The following RNF220 variants were observed in gnomAD, a reference collection of about 807,000 sequenced individuals.
The protein encoded by RNF220 is E3 ubiquitin-protein ligase RNF220.
In RNF220, 7 loss-of-function variants were observed where a neutral mutation model predicts 67.1. The observed-to-expected ratio is 0.10, with a 90% CI of 0.06 to 0.20. The LOEUF is 0.20. RNF220 is among the 10% of genes least tolerant of loss of function. The pLI, the probability that RNF220 is intolerant of heterozygous loss-of-function variation, is 1.00. For missense variants in RNF220, 565 were observed against 740.3 expected, an observed-to-expected ratio of 0.76 and a Z score of 2.75; for synonymous variants, 270 against 283.2, an observed-to-expected ratio of 0.95 and a Z score of 0.47.
chr1:44,594,159 C>G (rs1666305816), intron 2 of RNF220, among the ~76,000 whole-genome samples: 1 of 152,102 alleles, frequency 6.6e-6, no homozygotes, highest in African/African-American at 2.4e-5. Flanking sequence ...CAGGAATCCG[C>G]TTCTGCACTA....
intron 5 of RNF220, among the ~76,000 whole-genome samples, chr1:44,628,250 A>G (rs1644015027): frequency 6.6e-6 from 1 of 152,236 alleles, no homozygotes; most frequent in Non-Finnish European, 1.5e-5. Context: ...TTCAACTAGG[A>G]AAGAGTAACC....
At chr1:44,406,818 C>A (rs1247218279) in intron 1 of RNF220, among the ~76,000 whole-genome samples, 2 of 152,246 alleles carry the variant, frequency 1.3e-5, no homozygotes, top group Admixed American at 1.3e-4. Flanking sequence ...GCCCCCCGGG[C>A]GAGGCCGCCC....
intron 6 of RNF220, chr1:44,635,233 T>C (rs1055926660): frequency 9.5e-6 from 3 of 316,964 alleles, no homozygotes; most frequent in Non-Finnish European, 5.8e-6. Context: ...CCTAGCAACA[T>C]GGAGTGTCTT....
intron 2 of RNF220, among the ~76,000 whole-genome samples, chr1:44,501,571 A>T (rs1456333940): frequency 0.025 from 3,837 of 152,246 alleles, 142 homozygotes; most frequent in African/African-American, 0.088. Context: ...TGGTCAAGAA[A>T]GGAAAGCAAT....
In RNF220 at chr1:44,405,394, T is replaced by TGCCGCTGCC. The variant is rs1553208961; in HGVS notation, c.-248_-240dup. The TGCCGCTGCC allele has an allele frequency of 1.2e-4, 76 of 628,814 alleles. No individual in the cohort carries two copies. Among genetic ancestry groups the TGCCGCTGCC allele is most frequent in the African/African-American group, 1.0e-3 (55 of 53,250 alleles). The allele number at this position is 628,814 out of a possible 1,614,324, so 39.0% of individuals were successfully genotyped here. A position where few individuals can be genotyped will look rare whatever the true frequency, so the allele number is the denominator to read the frequency against. On this transcript the variant is annotated 5_prime_UTR_variant, in exon 1 of 15. Coordinates refer to ENST00000361799, the MANE Select transcript of RNF220 (RefSeq NM_018150.4). ...AGCCGCCTACTGCTGCTGCTGCTGC[T>TGCCGCTGCC]GCCGCTGCCGCCGCCGCCGCCGCCG...
intron 2 of RNF220, among the ~76,000 whole-genome samples, chr1:44,542,460 T>A (rs116311518): frequency 2.6e-5 from 4 of 152,128 alleles, no homozygotes; most frequent in Admixed American, 1.3e-4. Context: ...TATAGGGAAT[T>A]TAGCAGAAAG....
intron 2 of RNF220, among the ~76,000 whole-genome samples, chr1:44,605,536 C>T (rs1258837387): frequency 1.3e-5 from 2 of 152,180 alleles, no homozygotes; most frequent in Non-Finnish European, 2.9e-5. Flanking sequence ...CTGCTACATG[C>T]TGGGGCTATA....
intron 2 of RNF220, among the ~76,000 whole-genome samples, chr1:44,512,063 G>A (rs1194030746): frequency 1.3e-5 from 2 of 152,176 alleles, no homozygotes; most frequent in African/African-American, 2.4e-5. Context: ...TGTTAAAACA[G>A]GTTCAGGTTT....
At chr1:44,543,234 C>G (rs912213039) in intron 2 of RNF220, among the ~76,000 whole-genome samples, 15 of 152,124 alleles carry the variant, frequency 9.9e-5, no homozygotes, top group African/African-American at 2.9e-4. Context: ...ACCCCCTCCC[C>G]CTTCCCTCCG....
chr1:44,516,581 G>C (rs1659466284), intron 2 of RNF220, among the ~76,000 whole-genome samples: 1 of 152,060 alleles, frequency 6.6e-6, no homozygotes, highest in Admixed American at 6.6e-5. Context: ...AGTGTATAAG[G>C]ATAGTGAGAA....
At position 44,645,325 on chromosome 1, in the gene RNF220, A is replaced by G. The variant is rs2148508366; in HGVS notation, c.1366+49A>G. 2 of 1,613,248 alleles carry G rather than the reference A, an allele frequency of 1.2e-6. No individual in the cohort carries two copies. Among genetic ancestry groups the G allele is most frequent in the Non-Finnish European group, 1.7e-6 (2 of 1,179,272 alleles). ...GTAATGGGGGAGAGGGGGTATCCCT[A>G]GATGGTGGTGACTGACTCAAGCCCA... On this transcript the variant is annotated intron_variant, in intron 11 of 14. Coordinates refer to ENST00000361799, the MANE Select transcript of RNF220 (RefSeq NM_018150.4). This position sits in a 1 kb window ranked among gnomAD's most constrained non-coding sequence, Gnocchi z 5.0.
At chr1:44,437,451 G>A (rs1219919951) in intron 2 of RNF220, among the ~76,000 whole-genome samples, 1 of 151,572 alleles carries the variant, frequency 6.6e-6, no homozygotes, top group Non-Finnish European at 1.5e-5. Context: ...ATTTCCCTGT[G>A]ATTTTTCTTA....
chr1:44,573,433 C>T (rs142471276), intron 2 of RNF220, among the ~76,000 whole-genome samples: 1 of 152,020 alleles, frequency 6.6e-6, no homozygotes, highest in Non-Finnish European at 1.5e-5. Flanking sequence ...GGACACCGGG[C>T]TAGAAAGAAG....
rs570033893 is a variant in RNF220 at position 44,641,320 on chromosome 1, G to A, written c.1127-3378G>A. On this transcript the variant is annotated intron_variant, in intron 8 of 14. Coordinates refer to ENST00000361799, the MANE Select transcript of RNF220 (RefSeq NM_018150.4). Reference sequence around the variant, plus strand: ...GGCCTTTATGCCACTTTAAGCTGGGGCAGAACTGTAGCAAGAGGCCCTCCC... The same window carrying A: ...GGCCTTTATGCCACTTTAAGCTGGGACAGAACTGTAGCAAGAGGCCCTCCC... 3.3e-5 allele frequency among the ~76,000 whole-genome samples: 5 copies of A among 152,290 alleles called. No homozygotes were observed. The South Asian group carries it at 8.3e-4, about 25-fold the overall frequency.
chr1:44,416,476 G>T (rs1343759656), intron 2 of RNF220, among the ~76,000 whole-genome samples: 1 of 152,176 alleles, frequency 6.6e-6, no homozygotes, highest in Non-Finnish European at 1.5e-5. Context: ...TAGCACTCTG[G>T]CTCCTGTCAT....
chr1:44,573,874 G>A (rs1035249753), intron 2 of RNF220, among the ~76,000 whole-genome samples: 1 of 152,200 alleles, frequency 6.6e-6, no homozygotes, highest in African/African-American at 2.4e-5. Flanking sequence ...AGCACTTTGG[G>A]AGCCCAAGGT....
intron 2 of RNF220, among the ~76,000 whole-genome samples, chr1:44,483,021 C>G (rs889389083): frequency 3.4e-5 from 5 of 149,190 alleles, no homozygotes; most frequent in Admixed American, 1.4e-4. Flanking sequence ...GCCTCAAACT[C>G]CGGGATTCAG....
At chr1:44,445,464 A>G (rs1267733113) in intron 2 of RNF220, among the ~76,000 whole-genome samples, 1 of 152,176 alleles carries the variant, frequency 6.6e-6, no homozygotes, top group African/African-American at 2.4e-5. Flanking sequence ...ATCCTTGATC[A>G]TCTACTCTCT....
chr1:44,596,395 C>G (rs906507740), intron 2 of RNF220, among the ~76,000 whole-genome samples: 3 of 151,856 alleles, frequency 2.0e-5, no homozygotes. Flanking sequence ...AACCCTGTCT[C>G]TACTAAAAAT....
Sources: gnomAD v4.1 joint callset for allele counts (sites outside exome capture counted in the v4.1 genomes callset) on GRCh38, gnomAD v4.1.1 for gene constraint, Gnocchi (gnomAD v3.1) non-coding constraint, MANE v1.5 for transcripts, NCBI Gene and HGNC (gene_info 2026-07-23, HGNC 2026-07-21) for gene names.